The following ABCC2 variants were observed in gnomAD, a reference collection of about 807,000 sequenced individuals.
The protein encoded by ABCC2 is ATP-binding cassette sub-family C member 2.
ABCC2 carries 157 observed loss-of-function variants against 173.4 expected under a neutral mutation model. The ratio of observed to expected loss-of-function variants is 0.91; its 90% confidence interval spans 0.80 to 1.03. The LOEUF is 1.03. Among genes scored for constraint, ABCC2 ranks in the 50% least tolerant of loss-of-function variants. The pLI is 0.00. For synonymous variants in ABCC2, 657 were observed against 693.5 expected (o/e 0.95, Z 0.83); for missense variants, 1,822 against 1,852.3 (o/e 0.98, Z 0.30).
intron 13 of ABCC2, 116 bp from the exon 14 acceptor site, chr10:99,810,018 T>G: frequency 1.1e-6 from 1 of 909,338 alleles, no homozygotes; most frequent in South Asian, 1.4e-5. Context: ...TCGGTGGAGA[T>G]TAGGAGATGC....
At chr10:99,851,369 C>A in intron 31 of ABCC2, 133 bp from the exon 32 acceptor site, 1 of 951,282 alleles carries the variant, frequency 1.1e-6, no homozygotes. Context: ...ATGTGTGTAG[C>A]TGTGGCTCAT....
chr10:99,847,447 CAA>C (rs975918136), intron 30 of ABCC2, among the ~76,000 whole-genome samples: 1 of 150,716 alleles, frequency 6.6e-6, no homozygotes, highest in African/African-American at 2.4e-5. Context: ...ACTAAAAATA[CAA>C]AAAGTAGCCT....
At chr10:99,804,390 C>A in intron 10 of ABCC2, 117 bp downstream of exon 10, 1 of 1,374,106 alleles carries the variant, frequency 7.3e-7, no homozygotes, top group Middle Eastern at 2.5e-4. Context: ...GGAAGACTTT[C>A]TACCATCTCA....
At chr10:99,839,574 C>CT (rs2038902857) in intron 25 of ABCC2, among the ~76,000 whole-genome samples, 1 of 48,584 alleles carries the variant, frequency 2.1e-5, no homozygotes, top group African/African-American at 1.1e-4. Context: ...GACCCCCCCC[C>CT]ACCTCCCTCC....
intron 28 of ABCC2, among the ~76,000 whole-genome samples, chr10:99,845,277 C>T (rs1048302438): frequency 9.2e-5 from 14 of 152,166 alleles, no homozygotes; most frequent in Non-Finnish European, 1.8e-4. Flanking sequence ...AGGTGATCTG[C>T]CTGCCTTGGC....
chr10:99,819,336 T>A (rs1412832501), intron 19 of ABCC2, 67 bp downstream of exon 19: 1 of 1,439,464 alleles, frequency 6.9e-7, no homozygotes, highest in African/African-American at 1.4e-5. Flanking sequence ...CAATATCTAA[T>A]TCCTGAACTG....
chr10:99,840,488 T>A (rs2038920188), intron 25 of ABCC2, among the ~76,000 whole-genome samples: 1 of 145,482 alleles, frequency 6.9e-6, no homozygotes, highest in Non-Finnish European at 1.5e-5. Flanking sequence ...TGCCTGAAAT[T>A]TCTTTTTTCT....
At chr10:99,805,188 C>T (rs2038079209) in intron 10 of ABCC2, among the ~76,000 whole-genome samples, 194 bp from the exon 11 acceptor site, 1 of 152,068 alleles carries the variant, frequency 6.6e-6, no homozygotes, top group Non-Finnish European at 1.5e-5. Context: ...AAGCAAGGAT[C>T]AGAAAGAAGA....
At chr10:99,793,747 A>G (rs2037847780) in intron 4 of ABCC2, 62 bp downstream of exon 4, 1 of 1,608,084 alleles carries the variant, frequency 6.2e-7, no homozygotes, top group South Asian at 1.1e-5. Context: ...AACTCATAGT[A>G]AATGGCATCA....
At chr10:99,843,570 C>G (rs1445356669) in intron 26 of ABCC2, among the ~76,000 whole-genome samples, 2 of 152,240 alleles carry the variant, frequency 1.3e-5, no homozygotes, top group Non-Finnish European at 2.9e-5. Flanking sequence ...ACTAGACACT[C>G]ACATTGCCCT....
chr10:99,804,673 C>A (rs1031185986), intron 10 of ABCC2, among the ~76,000 whole-genome samples: 21 of 152,076 alleles, frequency 1.4e-4, no homozygotes, highest in African/African-American at 4.8e-4. Flanking sequence ...TGGCAATCAC[C>A]CCGCTACCAC....
At chr10:99,801,382 A>G (rs1590151469) in intron 9 of ABCC2, among the ~76,000 whole-genome samples, 1 of 152,036 alleles carries the variant, frequency 6.6e-6, no homozygotes, top group African/African-American at 2.4e-5. Context: ...GACTACAGGC[A>G]CGTGCCACCA....
chr10:99,814,223 A>ACACACATGTGTATATATG lies in ABCC2; in HGVS notation c.2094+1086_2094+1103dup, dbSNP rs1443559018. Among the ~76,000 whole-genome samples, 5 of 70,158 alleles carry ACACACATGTGTATATATG rather than the reference A, an allele frequency of 7.1e-5. 1 individual carries two copies. The South Asian group carries it at 1.4e-3, about 20-fold the overall frequency. The allele number at this position is 70,158 out of a possible 152,430, so 46.0% of individuals were successfully genotyped here. A position where few individuals can be genotyped will look rare whatever the true frequency, so the allele number is the denominator to read the frequency against. ...TATATATACACACATGTGTATATAT[A>ACACACATGTGTATATATG]CACACATGTGTATATATGCACACAC... On this transcript the variant is annotated intron_variant, in intron 16 of 31. Coordinates refer to ENST00000647814, the MANE Select transcript of ABCC2 (RefSeq NM_000392.5).
Position 99,836,141 on chromosome 10 carries a change from C to A in ABCC2, c.3465C>A (p.Thr1155=), listed in dbSNP as rs770696337. The stretch of plus-strand genomic sequence containing the variant: ...AGCTGAGGCGTCTGGACTCTGTCAC[C>A]AGGTCCCCAATCTACTCTCACTTCA... ...SRQLRRLDSV[T]RSPIYSHFSE... Residue 1155 remains threonine, a synonymous_variant, in exon 25 of 32, where the codon ACC becomes ACA. Transcript: ENST00000647814. 9.9e-6 allele frequency: 16 copies of A among 1,614,040 alleles called. No homozygotes were observed. The African/African-American group carries it at 2.0e-4, about 20-fold the overall frequency.
chr10:99,834,330 A>C, intron 23 of ABCC2, 50 bp from the exon 24 acceptor site: 3 of 1,590,474 alleles, frequency 1.9e-6, no homozygotes, highest in Non-Finnish European at 1.7e-6. Context: ...GATGTAAACT[A>C]TCTTAGGAAG....
At chr10:99,836,042 G>T (rs1202840216) in intron 24 of ABCC2, 49 bp from the exon 25 acceptor site, 1 of 1,579,728 alleles carries the variant, frequency 6.3e-7, no homozygotes, top group African/African-American at 1.3e-5. Flanking sequence ...GAAGATGGTG[G>T]ATGCCTCATG....
At chr10:99,810,003 T>C (rs2038181537) in intron 13 of ABCC2, 131 bp from the exon 14 acceptor site, 1 of 786,278 alleles carries the variant, frequency 1.3e-6, no homozygotes, top group Admixed American at 2.0e-5. Context: ...CTTCCGGGGC[T>C]GAGTTCGGTG....
intron 9 of ABCC2, among the ~76,000 whole-genome samples, chr10:99,803,096 G>C (rs2224506): frequency 0.69 from 104,843 of 152,028 alleles, 36,262 homozygotes; most frequent in South Asian, 0.78. Flanking sequence ...AGCCTCCCGA[G>C]CAGCTGGGAT....
At chr10:99,795,700 A>AAGAAAG (rs1226046057) in intron 6 of ABCC2, among the ~76,000 whole-genome samples, 6 of 151,002 alleles carry the variant, frequency 4.0e-5, no homozygotes, top group Non-Finnish European at 8.8e-5. Flanking sequence ...ATTCCATCAA[A>AAGAAAG]AGAAAGAGAG....
Sources: gnomAD v4.1 joint callset for allele counts (sites outside exome capture counted in the v4.1 genomes callset) on GRCh38, gnomAD v4.1.1 for gene constraint, MANE v1.5 for transcripts, NCBI Gene and HGNC (gene_info 2026-07-23, HGNC 2026-07-21) for gene names.